Variants in FGF2 observed in about 807,000 individuals in gnomAD.
The protein encoded by FGF2 is fibroblast growth factor 2, also known as basic fibroblast growth factor bFGF.
FGF2 carries 13 observed loss-of-function variants against 15.9 expected under a neutral mutation model. The observed-to-expected ratio is 0.82, with a 90% CI of 0.53 to 1.30. The LOEUF is 1.30. Ranked by LOEUF, FGF2 falls within the 50% of genes most tolerant of loss-of-function variation. FGF2 has a pLI of 0.00. For synonymous variants in FGF2, 90 were observed against 78.4 expected, an observed-to-expected ratio of 1.15 and a Z score of -0.78; for missense variants, 163 against 196.9, an observed-to-expected ratio of 0.83 and a Z score of 1.03.
chr4:122,830,566 C>T (rs1249008653), intron 1 of FGF2, among the ~76,000 whole-genome samples: 1 of 152,098 alleles, frequency 6.6e-6, no homozygotes, highest in African/African-American at 2.4e-5. Context: ...GAGAGTTTCT[C>T]CTTCTCCAGC....
At chr4:122,870,449 G>C (rs186242346) in intron 1 of FGF2, among the ~76,000 whole-genome samples, 1 of 152,126 alleles carries the variant, frequency 6.6e-6, no homozygotes, top group Non-Finnish European at 1.5e-5. Context: ...CTGTGAATCT[G>C]TCTGGTCCTG....
chr4:122,827,992 T>C lies in FGF2; in HGVS notation c.178+640T>C, dbSNP rs747762775. The stretch of plus-strand genomic sequence containing the variant: ...GTAGTGAAAAGAAGTGCAAACACTT[T>C]AATCTTCCACCTGCAGTGACTAGCT... On this transcript the variant is annotated intron_variant, in intron 1 of 2. Transcript: ENST00000644866. The surrounding 1 kb of genome is among the most constrained non-coding windows in gnomAD (Gnocchi z 4.2). Among the ~76,000 whole-genome samples, 7 of 152,258 alleles carry C rather than the reference T, an allele frequency of 4.6e-5. No individual in the cohort carries two copies. Among genetic ancestry groups the C allele is most frequent in the Non-Finnish European group, 8.8e-5 (6 of 68,034 alleles).
chr4:122,877,015 C>T lies in FGF2; in HGVS notation c.282+591C>T, dbSNP rs1345312809. ...TTAATTAGATACTACACATCAAGTG[C>T]CCAAATCAGCATCTGACACGTAATA... On this transcript the variant is annotated intron_variant, in intron 2 of 2. Coordinates refer to ENST00000644866, the MANE Select transcript of FGF2 (RefSeq NM_001361665.2). 2.6e-5 allele frequency among the ~76,000 whole-genome samples: 4 copies of T among 152,166 alleles called. No homozygotes were observed. In the East Asian group the frequency reaches 7.7e-4, roughly 29 times the overall value.
At chr4:122,848,108 A>G (rs1424620489) in intron 1 of FGF2, among the ~76,000 whole-genome samples, 1 of 152,218 alleles carries the variant, frequency 6.6e-6, no homozygotes, top group African/African-American at 2.4e-5. Context: ...CTTGGGTAAG[A>G]CCAACTTATT....
intron 1 of FGF2, among the ~76,000 whole-genome samples, chr4:122,834,775 GC>G (rs1725830265): frequency 6.6e-6 from 1 of 152,160 alleles, no homozygotes; most frequent in Admixed American, 6.5e-5. Context: ...AGGATAATAA[GC>G]CTTCCCCAAA....
At chr4:122,833,632 C>G (rs1280243529) in intron 1 of FGF2, among the ~76,000 whole-genome samples, 1 of 152,028 alleles carries the variant, frequency 6.6e-6, no homozygotes, top group African/African-American at 2.4e-5. Context: ...ATAAAAAGCT[C>G]AGTACTTTTT....
intron 1 of FGF2, among the ~76,000 whole-genome samples, chr4:122,837,147 A>G (rs2150763849): frequency 6.6e-6 from 1 of 152,288 alleles, no homozygotes; most frequent in South Asian, 2.1e-4. Context: ...ATTTATTCAG[A>G]TTTATGACCC....
intron 1 of FGF2, among the ~76,000 whole-genome samples, chr4:122,857,718 G>A (rs1054688071): frequency 5.3e-5 from 8 of 152,120 alleles, no homozygotes; most frequent in African/African-American, 1.4e-4. Flanking sequence ...GATTGAAATT[G>A]TTTCTAACAG....
At chr4:122,886,801 C>T (rs1304913491) in intron 2 of FGF2, among the ~76,000 whole-genome samples, 1 of 152,002 alleles carries the variant, frequency 6.6e-6, no homozygotes, top group African/African-American at 2.4e-5. Flanking sequence ...TTCCCTACTC[C>T]ACCCTAGAAT....
At chr4:122,866,096 G>T (rs536511197) in intron 1 of FGF2, among the ~76,000 whole-genome samples, 1 of 152,182 alleles carries the variant, frequency 6.6e-6, no homozygotes, top group Non-Finnish European at 1.5e-5. Flanking sequence ...GAGGCCGGGC[G>T]CGGTGGCTCA....
intron 1 of FGF2, among the ~76,000 whole-genome samples, chr4:122,861,063 CTCT>C (rs1472871860): frequency 6.6e-6 from 1 of 152,200 alleles, no homozygotes; most frequent in African/African-American, 2.4e-5. Context: ...TCCATCCAGG[CTCT>C]TCTTGCTCTA....
At chr4:122,832,361 A>T (rs1725782748) in intron 1 of FGF2, among the ~76,000 whole-genome samples, 1 of 152,076 alleles carries the variant, frequency 6.6e-6, no homozygotes, top group South Asian at 2.1e-4. Context: ...GGTTCAAGCA[A>T]TTCTTCTGCT....
rs1471308253 is a variant in FGF2, at chr4:122,876,360, C to T, written c.218C>T (p.Ser73Phe). Reference protein sequence around the residue: ...QLQAEERGVVSIKGVCANRYL... With the variant: ...QLQAEERGVVFIKGVCANRYL... Reference sequence around the variant, plus strand: ...CAAGCAGAAGAGAGAGGAGTTGTGTCTATCAAAGGAGTGTGTGCTAACCGT... The same window carrying T: ...CAAGCAGAAGAGAGAGGAGTTGTGTTTATCAAAGGAGTGTGTGCTAACCGT... Residue 73 changes from serine (S) to phenylalanine (F), a missense_variant, in exon 2 of 3, where the codon TCT (serine) becomes TTT (phenylalanine). Transcript: ENST00000644866. 1 of 1,613,396 alleles carries T rather than the reference C, an allele frequency of 6.2e-7. No homozygotes were observed. The highest frequency in any genetic ancestry group is 1.7e-5 in the Admixed American group (1 of 59,976).
chr4:122,870,978 C>G (rs566626353), intron 1 of FGF2, among the ~76,000 whole-genome samples: 3 of 152,262 alleles, frequency 2.0e-5, no homozygotes, highest in African/African-American at 4.8e-5. Context: ...AAATTTCCCT[C>G]TTAATACTGC....
At chr4:122,872,515 A>T (rs1726761757) in intron 1 of FGF2, among the ~76,000 whole-genome samples, 1 of 152,128 alleles carries the variant, frequency 6.6e-6, no homozygotes, top group African/African-American at 2.4e-5. Context: ...AATTCAGGAA[A>T]TACAGAGAAC....
At chr4:122,864,304 G>C (rs1726529423) in intron 1 of FGF2, among the ~76,000 whole-genome samples, 1 of 152,070 alleles carries the variant, frequency 6.6e-6, no homozygotes, top group Non-Finnish European at 1.5e-5. Flanking sequence ...TCTTTTCCCT[G>C]AGGTACTTTG....
At chr4:122,850,297 T>C (rs1301311251) in intron 1 of FGF2, among the ~76,000 whole-genome samples, 1 of 151,336 alleles carries the variant, frequency 6.6e-6, no homozygotes, top group East Asian at 1.9e-4. Context: ...ACAGTAAAAG[T>C]TGTGAGTTGA....
At chr4:122,848,875 C>G (rs1487051142) in intron 1 of FGF2, among the ~76,000 whole-genome samples, 1 of 152,160 alleles carries the variant, frequency 6.6e-6, no homozygotes, top group Non-Finnish European at 1.5e-5. Flanking sequence ...AGGTGGATAC[C>G]AGATGCCTTG....
At chr4:122,870,202 A>G (rs1578471550) in intron 1 of FGF2, among the ~76,000 whole-genome samples, 1 of 152,186 alleles carries the variant, frequency 6.6e-6, no homozygotes, top group African/African-American at 2.4e-5. Context: ...CGCAGCGGAT[A>G]AGTTTTTTCA....
Sources: gnomAD v4.1 joint callset for allele counts (sites outside exome capture counted in the v4.1 genomes callset) on GRCh38, gnomAD v4.1.1 for gene constraint, Gnocchi (gnomAD v3.1) non-coding constraint, MANE v1.5 for transcripts, NCBI Gene and HGNC (gene_info 2026-07-23, HGNC 2026-07-21) for gene names.